Variants in CDH8 observed in about 807,000 individuals in gnomAD.
The protein encoded by CDH8 is cadherin-8.
In CDH8, 17 loss-of-function variants were observed where a neutral mutation model predicts 68.1. The ratio of observed to expected loss-of-function variants is 0.25; its 90% confidence interval spans 0.17 to 0.37. The LOEUF is 0.37. Among genes scored for constraint, CDH8 ranks in the 10% least tolerant of loss-of-function variants. The pLI is 1.00. For synonymous variants in CDH8, 372 were observed against 365.1 expected (o/e 1.02, Z -0.21); for missense variants, 763 against 999.3 (o/e 0.76, Z 3.19).
chr16:61,695,002 G>A (rs1252439700), intron 10 of CDH8, among the ~76,000 whole-genome samples: 4 of 151,934 alleles, frequency 2.6e-5, no homozygotes, highest in Non-Finnish European at 4.4e-5. Flanking sequence ...GGCTGGTCTC[G>A]AACTCCTGAC....
At chr16:61,827,973 T>C (rs1442550820) in intron 4 of CDH8, among the ~76,000 whole-genome samples, 1 of 151,808 alleles carries the variant, frequency 6.6e-6, no homozygotes, top group Non-Finnish European at 1.5e-5. Context: ...CCATCTTGAA[T>C]AGGGGTTAGG....
At chr16:61,722,691 C>A (rs929165286) in intron 9 of CDH8, among the ~76,000 whole-genome samples, 1 of 150,536 alleles carries the variant, frequency 6.6e-6, no homozygotes, top group Non-Finnish European at 1.5e-5. Context: ...TTATTTAGAG[C>A]CATGATTCTA....
intron 10 of CDH8, among the ~76,000 whole-genome samples, chr16:61,684,888 T>A (rs1964078597): frequency 6.6e-6 from 1 of 152,032 alleles, no homozygotes; most frequent in African/African-American, 2.4e-5. Flanking sequence ...CTTTTGATTT[T>A]AACTTTTCTG....
intron 10 of CDH8, among the ~76,000 whole-genome samples, chr16:61,675,446 T>G: frequency 1.3e-5 from 1 of 76,510 alleles, no homozygotes; most frequent in Non-Finnish European, 2.4e-5. Flanking sequence ...CTGGGGACTG[T>G]GGTGGGGTGG....
intron 2 of CDH8, among the ~76,000 whole-genome samples, chr16:62,019,789 A>G (rs1038036668): frequency 4.6e-5 from 7 of 152,184 alleles, no homozygotes; most frequent in African/African-American, 1.7e-4. Flanking sequence ...GCAAATGAAC[A>G]TATATATGCA....
chr16:61,773,055 T>C (rs370010540), intron 8 of CDH8, among the ~76,000 whole-genome samples: 4 of 152,190 alleles, frequency 2.6e-5, no homozygotes, highest in Admixed American at 1.3e-4. Context: ...CATAATATCC[T>C]TAACTGAATA....
chr16:61,873,663 G>A (rs1963410800), intron 3 of CDH8, among the ~76,000 whole-genome samples: 1 of 152,120 alleles, frequency 6.6e-6, no homozygotes, highest in Non-Finnish European at 1.5e-5. Context: ...TTTTTCCTGA[G>A]CTAGTGATAT....
chr16:61,714,576 G>C (rs931828898), intron 9 of CDH8, among the ~76,000 whole-genome samples: 1 of 151,538 alleles, frequency 6.6e-6, no homozygotes, highest in African/African-American at 2.4e-5. Context: ...GAATTACCAC[G>C]GTGCAGAGAA....
rs530432277 is a variant in CDH8, at chr16:61,973,938, G to A, written c.252+47214C>T. On this transcript the variant is annotated intron_variant, in intron 2 of 11. Coordinates refer to ENST00000577390, the MANE Select transcript of CDH8 (RefSeq NM_001796.5). ...CCTTAGACTTGTCCATCAGGTTTGC[G>A]TTGTCAGACTCATCATCTAGTGATC... 4.7e-4 allele frequency among the ~76,000 whole-genome samples: 72 copies of A among 152,208 alleles called. No homozygotes were observed. In the South Asian group the frequency reaches 0.011, roughly 24 times the overall value.
At position 61,764,581 on chromosome 16, in the gene CDH8, T is replaced by A. The variant is rs189864851; in HGVS notation, c.1414+24765A>T. 3.9e-5 allele frequency among the ~76,000 whole-genome samples: 6 copies of A among 152,090 alleles called. No individual in the cohort carries two copies. The East Asian group carries it at 9.6e-4, about 24-fold the overall frequency. On this transcript the variant is annotated intron_variant, in intron 8 of 11. Transcript: ENST00000577390. ...AGTTCATCTCAATGCTCAAGTACACTAGAGATTCTCTGTCATCCTAGTCTC... is the reference window on the plus strand; with the variant it reads ...AGTTCATCTCAATGCTCAAGTACACAAGAGATTCTCTGTCATCCTAGTCTC...
intron 10 of CDH8, among the ~76,000 whole-genome samples, chr16:61,683,270 T>C (rs142953525): frequency 6.6e-6 from 1 of 151,932 alleles, no homozygotes; most frequent in Non-Finnish European, 1.5e-5. Flanking sequence ...ATACCCCCCA[T>C]AGGACTATTA....
At chr16:62,023,025 G>A (rs905122212) in intron 1 of CDH8, among the ~76,000 whole-genome samples, 4 of 152,122 alleles carry the variant, frequency 2.6e-5, no homozygotes, top group Admixed American at 6.5e-5. Context: ...CAGAGAAAAC[G>A]GAGTCCAGAA....
intron 8 of CDH8, among the ~76,000 whole-genome samples, chr16:61,732,884 G>A (rs1255816931): frequency 6.6e-6 from 1 of 151,762 alleles, no homozygotes; most frequent in Admixed American, 6.6e-5. Flanking sequence ...AAGGAGGTGA[G>A]TGGGTATGAA....
chr16:61,906,938 G>A (rs1182817294), intron 2 of CDH8, among the ~76,000 whole-genome samples: 1 of 152,060 alleles, frequency 6.6e-6, no homozygotes, highest in South Asian at 2.1e-4. Context: ...GTGATAGATG[G>A]GTAATGGATG....
chr16:62,024,300 T>A (rs529127278), intron 1 of CDH8, among the ~76,000 whole-genome samples: 3 of 152,200 alleles, frequency 2.0e-5, no homozygotes, highest in Non-Finnish European at 4.4e-5. Context: ...ATAATAACAC[T>A]GATCTGACAG....
chr16:61,980,434 T>G (rs995203540), intron 2 of CDH8, among the ~76,000 whole-genome samples: 1 of 152,190 alleles, frequency 6.6e-6, no homozygotes, highest in Non-Finnish European at 1.5e-5. Flanking sequence ...TATATAAAAT[T>G]CATCCATCAT....
intron 7 of CDH8, among the ~76,000 whole-genome samples, chr16:61,792,386 T>G (rs1961397702): frequency 6.6e-6 from 1 of 152,002 alleles, no homozygotes; most frequent in African/African-American, 2.4e-5. Flanking sequence ...TTTGGAAAAC[T>G]CCTGCTGCTT....
chr16:61,773,636 C>T (rs188917495), intron 8 of CDH8, among the ~76,000 whole-genome samples: 3 of 149,854 alleles, frequency 2.0e-5, no homozygotes, highest in African/African-American at 4.9e-5. Context: ...GATTTCAGTG[C>T]GGCTGAAACA....
At chr16:61,924,974 G>A (rs972511622) in intron 2 of CDH8, among the ~76,000 whole-genome samples, 1 of 152,154 alleles carries the variant, frequency 6.6e-6, no homozygotes, top group East Asian at 1.9e-4. Context: ...ACCAGGTAGA[G>A]GGTGTTACTC....
Sources: gnomAD v4.1 joint callset for allele counts (sites outside exome capture counted in the v4.1 genomes callset) on GRCh38, gnomAD v4.1.1 for gene constraint, MANE v1.5 for transcripts, NCBI Gene and HGNC (gene_info 2026-07-23, HGNC 2026-07-21) for gene names.